Variants in PCDH9 observed in about 807,000 individuals in gnomAD.
The protein encoded by PCDH9 is protocadherin-9.
Under a neutral mutation model 70.6 loss-of-function variants are expected in PCDH9, and 24 were observed. That is an observed-to-expected ratio of 0.34 (90% CI 0.25 to 0.48). PCDH9 has a LOEUF of 0.48. Among genes scored for constraint, PCDH9 ranks in the 20% least tolerant of loss-of-function variants. PCDH9 has a pLI of 0.99. For missense variants in PCDH9, 1,281 were observed against 1,503.6 expected, an observed-to-expected ratio of 0.85 and a Z score of 2.45; for synonymous variants, 562 against 558.5, an observed-to-expected ratio of 1.01 and a Z score of -0.09.
intron 2 of PCDH9, among the ~76,000 whole-genome samples, chr13:67,065,712 C>G (rs1009303996): frequency 2.0e-5 from 3 of 152,034 alleles, no homozygotes; most frequent in African/African-American, 4.8e-5. Context: ...AATTATAAAG[C>G]CTTACGGTTA....
Position 66,448,323 on chromosome 13 carries a change from C to A in PCDH9, c.3341-143295G>T, listed in dbSNP as rs144317375. Among the ~76,000 whole-genome samples the A allele has an allele frequency of 3.3e-5, 5 of 152,280 alleles. No homozygotes were observed. The East Asian group carries it at 9.6e-4, about 29-fold the overall frequency. On this transcript the variant is annotated intron_variant, in intron 4 of 4. Transcript: ENST00000377865. ...ATAGCTGTTTGCTACCTGCAGTGGACGTGTGAAGTGCACGTGGATGTGTGC... is the reference window on the plus strand; with the variant it reads ...ATAGCTGTTTGCTACCTGCAGTGGAAGTGTGAAGTGCACGTGGATGTGTGC...
chr13:66,455,989 A>G (rs1958310190), intron 4 of PCDH9, among the ~76,000 whole-genome samples: 1 of 152,170 alleles, frequency 6.6e-6, no homozygotes, highest in Non-Finnish European at 1.5e-5. Context: ...TCGCATGAAT[A>G]TATATTCATT....
Position 67,188,203 on chromosome 13 carries a change from T to C in PCDH9, c.3036+37202A>G, listed in dbSNP as rs143050024. ...CGAATTTCTGTGTATGTATGTGAGATTTCTGAGTTTACTGAAATGGCAAGT... is the reference window on the plus strand; with the variant it reads ...CGAATTTCTGTGTATGTATGTGAGACTTCTGAGTTTACTGAAATGGCAAGT... On this transcript the variant is annotated intron_variant, in intron 2 of 4. Transcript: ENST00000377865. 3.1e-3 allele frequency among the ~76,000 whole-genome samples: 469 copies of C among 152,252 alleles called. 2 individuals are homozygous for C. The highest frequency in any genetic ancestry group is 0.011 in the African/African-American group (441 of 41,566).
At position 66,501,639 on chromosome 13, in the gene PCDH9, A is replaced by C. The variant is rs1187157323; in HGVS notation, c.3340+129571T>G. Among the ~76,000 whole-genome samples, 3 of 152,118 alleles carry C rather than the reference A, an allele frequency of 2.0e-5. No homozygotes were observed. In the East Asian group the frequency reaches 5.8e-4, roughly 29 times the overall value. On this transcript the variant is annotated intron_variant, in intron 4 of 4. Transcript: ENST00000377865. Reference sequence around the variant, plus strand: ...AAGTCTCTTTCTCAATAGCAGCAGTAATTTTACCAGTAAATTCTACAGGTA... The same window carrying C: ...AAGTCTCTTTCTCAATAGCAGCAGTCATTTTACCAGTAAATTCTACAGGTA...
At chr13:67,190,846 C>A (rs533909419) in intron 2 of PCDH9, among the ~76,000 whole-genome samples, 1 of 152,156 alleles carries the variant, frequency 6.6e-6, no homozygotes, top group South Asian at 2.1e-4. Flanking sequence ...AGTTCTTGAT[C>A]GTTTCCAATA....
chr13:66,975,123 C>T (rs1395547875), intron 2 of PCDH9, among the ~76,000 whole-genome samples: 4 of 151,930 alleles, frequency 2.6e-5, no homozygotes, highest in Non-Finnish European at 5.9e-5. Flanking sequence ...TGATAAATGC[C>T]TAGAAAGCAT....
chr13:66,328,604 T>G (rs1213426242), intron 4 of PCDH9, among the ~76,000 whole-genome samples: 1 of 152,228 alleles, frequency 6.6e-6, no homozygotes, highest in Non-Finnish European at 1.5e-5. Context: ...GACGTCCGTA[T>G]GTCTTAAGGG....
intron 2 of PCDH9, among the ~76,000 whole-genome samples, chr13:66,908,654 T>C (rs1345947900): frequency 6.6e-6 from 1 of 152,192 alleles, no homozygotes; most frequent in Admixed American, 6.5e-5. Flanking sequence ...TCTGAAAATT[T>C]GTTCTGATCA....
chr13:66,841,790 T>G (rs2081120897), intron 3 of PCDH9, among the ~76,000 whole-genome samples: 1 of 152,220 alleles, frequency 6.6e-6, no homozygotes, highest in African/African-American at 2.4e-5. Flanking sequence ...GGGTTTAACA[T>G]AAATGTGAAG....
At chr13:67,140,891 G>A (rs748422372) in intron 2 of PCDH9, among the ~76,000 whole-genome samples, 1 of 152,166 alleles carries the variant, frequency 6.6e-6, no homozygotes, top group African/African-American at 2.4e-5. Context: ...CAGTACTTCA[G>A]TGAATATATT....
intron 2 of PCDH9, among the ~76,000 whole-genome samples, chr13:67,135,052 C>T (rs1452400186): frequency 1.3e-5 from 2 of 152,012 alleles, no homozygotes; most frequent in African/African-American, 4.8e-5. Context: ...TTAACATTAT[C>T]TACTATTCCT....
At chr13:66,395,057 T>A (rs995249479) in intron 4 of PCDH9, among the ~76,000 whole-genome samples, 1 of 152,224 alleles carries the variant, frequency 6.6e-6, no homozygotes, top group African/African-American at 2.4e-5. Context: ...TCTTTTTTGC[T>A]TGTTTGTACA....
intron 2 of PCDH9, among the ~76,000 whole-genome samples, chr13:67,156,619 C>T (rs1341440526): frequency 6.6e-6 from 1 of 152,158 alleles, no homozygotes; most frequent in African/African-American, 2.4e-5. Context: ...TGCACTCATT[C>T]TCCAAGCCCA....
chr13:67,176,020 A>T (rs542142205), intron 2 of PCDH9, among the ~76,000 whole-genome samples: 3 of 152,264 alleles, frequency 2.0e-5, no homozygotes, highest in Admixed American at 6.5e-5. Flanking sequence ...GAGCTAGCTG[A>T]TAAGTTTTAT....
intron 2 of PCDH9, among the ~76,000 whole-genome samples, chr13:67,184,154 C>A (rs750418336): frequency 2.6e-4 from 40 of 152,198 alleles, no homozygotes; most frequent in Non-Finnish European, 5.1e-4. Context: ...TCACAACCAC[C>A]TGATTAGTAA....
intron 4 of PCDH9, among the ~76,000 whole-genome samples, chr13:66,363,937 C>T (rs991308608): frequency 6.6e-6 from 1 of 151,924 alleles, no homozygotes; most frequent in African/African-American, 2.4e-5. Flanking sequence ...GGTGGATCAC[C>T]TGAGGTCAGG....
chr13:67,054,596 T>A (rs1401565477), intron 2 of PCDH9, among the ~76,000 whole-genome samples: 1 of 152,176 alleles, frequency 6.6e-6, no homozygotes, highest in Non-Finnish European at 1.5e-5. Flanking sequence ...TATGCAAGTT[T>A]TTGACAATTA....
chr13:66,856,798 C>A (rs989330963), intron 3 of PCDH9, among the ~76,000 whole-genome samples: 1 of 152,044 alleles, frequency 6.6e-6, no homozygotes, highest in Admixed American at 6.6e-5. Flanking sequence ...ATATTCATCA[C>A]TTAATCTCAT....
chr13:66,811,764 TC>T (rs1165163977), intron 3 of PCDH9, among the ~76,000 whole-genome samples: 21 of 146,084 alleles, frequency 1.4e-4, no homozygotes, highest in Non-Finnish European at 1.0e-4. Context: ...TTTTTCTTTC[TC>T]TCTCTCTCTC....
Sources: gnomAD v4.1 joint callset for allele counts (sites outside exome capture counted in the v4.1 genomes callset) on GRCh38, gnomAD v4.1.1 for gene constraint, MANE v1.5 for transcripts, NCBI Gene and HGNC (gene_info 2026-07-23, HGNC 2026-07-21) for gene names.